The following RBFOX3 variants were observed in gnomAD, a reference collection of about 807,000 sequenced individuals.
RBFOX3 encodes the protein RNA binding protein fox-1 homolog 3.
In RBFOX3, 17 loss-of-function variants were observed where a neutral mutation model predicts 48.7. The observed-to-expected ratio is 0.35, with a 90% CI of 0.24 to 0.52. The LOEUF is 0.52. Ranked by LOEUF, RBFOX3 falls within the 20% of genes least tolerant of loss-of-function variation. RBFOX3 has a pLI of 0.94. For missense variants in RBFOX3, 382 were observed against 497.5 expected (o/e 0.77, Z 2.21); for synonymous variants, 212 against 209.5 (o/e 1.01, Z -0.10).
intron 1 of RBFOX3, among the ~76,000 whole-genome samples, chr17:79,530,867 C>T (rs1415347376): frequency 3.9e-5 from 6 of 152,192 alleles, no homozygotes; most frequent in Admixed American, 3.3e-4. Flanking sequence ...TTTGCAGCAG[C>T]GGATTCTAAG....
chr17:79,323,803 A>AGCC (rs1423591996), intron 2 of RBFOX3, among the ~76,000 whole-genome samples: 1 of 152,254 alleles, frequency 6.6e-6, no homozygotes, highest in Non-Finnish European at 1.5e-5. Flanking sequence ...CACCAATGCG[A>AGCC]GCCCGCAGTG....
chr17:79,108,618 C>T (rs939040765), intron 5 of RBFOX3, among the ~76,000 whole-genome samples: 5 of 152,268 alleles, frequency 3.3e-5, no homozygotes, highest in African/African-American at 1.2e-4. Context: ...GGTCCCTCGA[C>T]TCCTGTCTGA....
intron 5 of RBFOX3, among the ~76,000 whole-genome samples, chr17:79,115,232 T>C (rs905880978): frequency 6.6e-6 from 1 of 152,148 alleles, no homozygotes; most frequent in Non-Finnish European, 1.5e-5. Flanking sequence ...ACCCCACCCC[T>C]AGGTGCCCGG....
intron 3 of RBFOX3, among the ~76,000 whole-genome samples, chr17:79,248,789 G>A (rs892086593): frequency 6.6e-6 from 1 of 152,216 alleles, no homozygotes; most frequent in Non-Finnish European, 1.5e-5. Context: ...TTTGGGGACT[G>A]AGGCTGGCAG....
chr17:79,437,163 C>T (rs1050885005), intron 2 of RBFOX3, among the ~76,000 whole-genome samples: 3 of 152,166 alleles, frequency 2.0e-5, no homozygotes, highest in Non-Finnish European at 4.4e-5. Flanking sequence ...CTGACCTCAT[C>T]GCCAGGCCTG....
chr17:79,189,645 C>A (rs1293237379), intron 4 of RBFOX3, among the ~76,000 whole-genome samples: 2 of 152,170 alleles, frequency 1.3e-5, no homozygotes, highest in Non-Finnish European at 2.9e-5. Context: ...TGCTGCTAGA[C>A]CAAGGAAGCC....
intron 2 of RBFOX3, among the ~76,000 whole-genome samples, chr17:79,387,008 T>C (rs753746035): frequency 6.6e-6 from 1 of 152,244 alleles, no homozygotes; most frequent in Non-Finnish European, 1.5e-5. Flanking sequence ...TCTTTTTCAC[T>C]ATTTTTTACA....
chr17:79,369,413 A>G (rs1314530078), intron 2 of RBFOX3, among the ~76,000 whole-genome samples: 2 of 152,046 alleles, frequency 1.3e-5, no homozygotes, highest in Non-Finnish European at 2.9e-5. Flanking sequence ...GGGGCAAAGG[A>G]CACGCGTTTC....
chr17:79,132,488 A>G (rs2039180659), intron 4 of RBFOX3, among the ~76,000 whole-genome samples: 1 of 152,304 alleles, frequency 6.6e-6, no homozygotes, highest in Non-Finnish European at 1.5e-5. Context: ...AGCACCCGGC[A>G]CTGGGCGGCT....
intron 1 of RBFOX3, among the ~76,000 whole-genome samples, chr17:79,484,676 G>T (rs2079299779): frequency 6.6e-6 from 1 of 152,152 alleles, no homozygotes. Context: ...GAAGGGGCTG[G>T]CCTGGTGGGG....
chr17:79,247,090 A>G (rs920225233), intron 3 of RBFOX3, among the ~76,000 whole-genome samples: 1 of 152,192 alleles, frequency 6.6e-6, no homozygotes, highest in Non-Finnish European at 1.5e-5. Flanking sequence ...AGATTTTCAG[A>G]AATCCGTCTC....
At chr17:79,654,521 C>T in the RBFOX3 span, among the ~76,000 whole-genome samples, 3 of 152,304 alleles carry the variant, frequency 2.0e-5, no homozygotes, top group South Asian at 6.2e-4. Flanking sequence ...CTCTACAGAT[C>T]AAAAAGTCTA....
chr17:79,255,358 C>T (rs1388108622), intron 3 of RBFOX3, among the ~76,000 whole-genome samples: 1 of 151,936 alleles, frequency 6.6e-6, no homozygotes, highest in Non-Finnish European at 1.5e-5. Flanking sequence ...ATCAGTGACA[C>T]CGTTGAGAGA....
the RBFOX3 span, among the ~76,000 whole-genome samples, chr17:79,646,841 G>A: frequency 1.3e-5 from 2 of 152,056 alleles, no homozygotes; most frequent in African/African-American, 2.4e-5. Context: ...CATGACCTTT[G>A]CAAGTGCTGA....
At chr17:79,558,757 G>A (rs2091963890) in intron 1 of RBFOX3, among the ~76,000 whole-genome samples, 1 of 152,200 alleles carries the variant, frequency 6.6e-6, no homozygotes, top group Admixed American at 6.5e-5. Context: ...GAGGCTGCGT[G>A]GGCCTGCGGG....
chr17:79,505,255 C>A (rs933851246), intron 1 of RBFOX3, among the ~76,000 whole-genome samples: 3 of 152,192 alleles, frequency 2.0e-5, no homozygotes, highest in Non-Finnish European at 4.4e-5. Context: ...CCACCACACC[C>A]CCGCTTTAAA....
At position 79,482,661 on chromosome 17, in the gene RBFOX3, A is replaced by G. The variant is rs1395720391; in HGVS notation, c.-319-63T>C. 2.0e-5 allele frequency: 3 copies of G among 152,246 alleles called. No individual in the cohort carries two copies. In the East Asian group the frequency reaches 5.8e-4, roughly 29 times the overall value. The allele number at this position is 152,246 out of a possible 1,614,324, so 9.4% of individuals were successfully genotyped here. A position where few individuals can be genotyped will look rare whatever the true frequency, so the allele number is the denominator to read the frequency against. ...GAAGAAAACATCTTCCTTTTGATCT[A>G]AAACAAACATTTGGTATTAATAAAC... On this transcript the variant is annotated intron_variant, in intron 1 of 14. Transcript: ENST00000693108. The surrounding 1 kb of genome is among the most constrained non-coding windows in gnomAD (Gnocchi z 4.1).
chr17:79,534,288 C>G (rs782774434), intron 1 of RBFOX3, among the ~76,000 whole-genome samples: 2 of 152,200 alleles, frequency 1.3e-5, no homozygotes, highest in African/African-American at 2.4e-5. Context: ...TTCAGAAGGG[C>G]TGACCAACTC....
In RBFOX3 at chr17:79,212,557, A is replaced by G. The variant is rs1003575649; in HGVS notation, c.-34+23209T>C. On this transcript the variant is annotated intron_variant, in intron 4 of 14. Transcript: ENST00000693108. This position sits in a 1 kb window ranked among gnomAD's most constrained non-coding sequence, Gnocchi z 4.7. ...ACTTCCTTCCTTGTTCTTCATAAAGAGTAGATTTCAGAGCAACTTAACTTC... is the reference window on the plus strand; with the variant it reads ...ACTTCCTTCCTTGTTCTTCATAAAGGGTAGATTTCAGAGCAACTTAACTTC... Among the ~76,000 whole-genome samples the G allele has an allele frequency of 4.6e-5, 7 of 152,194 alleles. No homozygotes were observed. Among genetic ancestry groups the G allele is most frequent in the African/African-American group, 1.4e-4 (6 of 41,452 alleles).
Sources: allele counts gnomAD v4.1 joint callset (sites outside exome capture counted in the v4.1 genomes callset), GRCh38; gene constraint gnomAD v4.1.1; non-coding constraint Gnocchi (gnomAD v3.1); transcripts MANE v1.5; gene names NCBI Gene and HGNC (gene_info 2026-07-23, HGNC 2026-07-21).